The following DCDC1 variants were observed in gnomAD, a reference collection of about 807,000 sequenced individuals.
DCDC1 encodes the protein doublecortin domain-containing protein 1.
DCDC1 carries 200 observed loss-of-function variants against 178.3 expected under a neutral mutation model. The ratio of observed to expected loss-of-function variants is 1.12; its 90% CI spans 1.00 to 1.26. The LOEUF (loss-of-function observed/expected upper bound fraction) is 1.26. Among genes scored for constraint, DCDC1 ranks in the 50% most tolerant of loss-of-function variants. The probability of loss-of-function intolerance (pLI) is 0.00; values close to 1 mark genes in which losing one functional copy is unlikely to be tolerated. For missense variants in DCDC1, 1,983 were observed against 1,749.2 expected, an observed-to-expected ratio of 1.13 and a Z score of -2.38; for synonymous variants, 690 against 604.8, an observed-to-expected ratio of 1.14 and a Z score of -2.07.
chr11:30,917,251 GCATT>G (rs1278934640), intron 25 of DCDC1, among the ~76,000 whole-genome samples: 1 of 151,980 alleles, frequency 6.6e-6, no homozygotes, highest in Non-Finnish European at 1.5e-5. Context: ...ATAATAAACA[GCATT>G]CATCTTTGTC....
intron 20 of DCDC1, among the ~76,000 whole-genome samples, chr11:30,963,653 G>A (rs535253727): frequency 6.6e-5 from 10 of 152,190 alleles, no homozygotes; most frequent in African/African-American, 1.9e-4. Flanking sequence ...AGCCATAGGT[G>A]GGAGCCACAT....
intron 7 of DCDC1, among the ~76,000 whole-genome samples, chr11:31,271,923 G>T (rs1369554459): frequency 6.6e-6 from 1 of 152,138 alleles, no homozygotes; most frequent in Non-Finnish European, 1.5e-5. Context: ...AGCATTTTGG[G>T]AGGCCAAGGA....
rs1021704138 is a variant in DCDC1, at chr11:30,892,909, T to A, written c.4991A>T (p.Tyr1664Phe). 9 of 1,613,876 alleles carry A rather than the reference T, an allele frequency of 5.6e-6. No individual in the cohort carries two copies. Among genetic ancestry groups the A allele is most frequent in the Non-Finnish European group, 7.6e-6 (9 of 1,179,872 alleles). Residue 1664 changes from tyrosine (Y) to phenylalanine (F), a missense_variant, in exon 36 of 39, where the codon TAT (tyrosine) becomes TTT (phenylalanine). Coordinates refer to ENST00000684477, the MANE Select transcript of DCDC1 (RefSeq NM_001387274.1). ...CACTCGTTTTGTGTTGGGCTGCTTA[T>A]ACAGGTTGCTCGGCTTGACTGCTAT... ...KRIAVKPSNL[Y>F]KQPNTKRVWI...
chr11:30,974,973 A>G (rs1950025084), intron 20 of DCDC1, among the ~76,000 whole-genome samples: 1 of 152,144 alleles, frequency 6.6e-6, no homozygotes, highest in African/African-American at 2.4e-5. Flanking sequence ...AAAATTTTCA[A>G]CAAAATACTA....
intron 21 of DCDC1, among the ~76,000 whole-genome samples, chr11:30,933,954 A>G (rs1947099531): frequency 6.6e-6 from 1 of 152,200 alleles, no homozygotes; most frequent in South Asian, 2.1e-4. Context: ...TAGGAATGAA[A>G]GTACAACATT....
At chr11:31,092,466 T>C (rs1453307988) in intron 16 of DCDC1, among the ~76,000 whole-genome samples, 1 of 152,196 alleles carries the variant, frequency 6.6e-6, no homozygotes, top group Non-Finnish European at 1.5e-5. Flanking sequence ...GAACATCACA[T>C]ATGCTTTCTC....
At chr11:30,889,935 G>C (rs1009616090) in intron 36 of DCDC1, among the ~76,000 whole-genome samples, 1 of 152,120 alleles carries the variant, frequency 6.6e-6, no homozygotes, top group Non-Finnish European at 1.5e-5. Context: ...GGTAATTAAG[G>C]TTAAATAAAG....
At chr11:31,022,741 CGTGT>C (rs143601035) in intron 20 of DCDC1, among the ~76,000 whole-genome samples, 5 of 127,482 alleles carry the variant, frequency 3.9e-5, no homozygotes, top group African/African-American at 8.8e-5. Flanking sequence ...ATAAATTATT[CGTGT>C]GTGTGTGTGT....
intron 1 of DCDC1, among the ~76,000 whole-genome samples, chr11:31,361,109 G>A (rs747041279): frequency 4.6e-5 from 7 of 152,000 alleles, no homozygotes; most frequent in Non-Finnish European, 8.8e-5. Context: ...AACCCAAAAA[G>A]TTCATCTGTG....
At chr11:31,045,246 G>A (rs1954757555) in intron 20 of DCDC1, among the ~76,000 whole-genome samples, 1 of 152,134 alleles carries the variant, frequency 6.6e-6, no homozygotes, top group East Asian at 1.9e-4. Context: ...ACAGGAAAAA[G>A]ACTCTCAAAT....
chr11:31,307,523 C>T, intron 4 of DCDC1, 116 bp downstream of exon 4: 1 of 1,385,094 alleles, frequency 7.2e-7, no homozygotes, highest in Non-Finnish European at 9.7e-7. Flanking sequence ...AAAACAAAAC[C>T]CGAGAGATGT....
At chr11:30,967,740 T>C (rs1189725127) in intron 20 of DCDC1, among the ~76,000 whole-genome samples, 1 of 152,122 alleles carries the variant, frequency 6.6e-6, no homozygotes, top group Non-Finnish European at 1.5e-5. Flanking sequence ...AATTCAGAAA[T>C]ATTTCCCCAA....
intron 21 of DCDC1, among the ~76,000 whole-genome samples, chr11:30,947,650 G>A (rs1948133386): frequency 6.6e-6 from 1 of 152,088 alleles, no homozygotes; most frequent in Non-Finnish European, 1.5e-5. Flanking sequence ...CACAAGAATA[G>A]TCTGGGAAGA....
intron 8 of DCDC1, among the ~76,000 whole-genome samples, chr11:31,264,617 G>A (rs1406478390): frequency 6.6e-6 from 1 of 152,154 alleles, no homozygotes; most frequent in Non-Finnish European, 1.5e-5. Context: ...GTTTCTCTGA[G>A]AACTAAATAA....
intron 20 of DCDC1, among the ~76,000 whole-genome samples, chr11:31,002,022 A>C (rs1255462885): frequency 6.6e-6 from 1 of 152,226 alleles, no homozygotes; most frequent in Non-Finnish European, 1.5e-5. Context: ...ACTAATCTTT[A>C]TTTCACAGGG....
intron 20 of DCDC1, among the ~76,000 whole-genome samples, chr11:30,959,669 C>T (rs920159930): frequency 6.6e-6 from 1 of 152,126 alleles, no homozygotes; most frequent in Non-Finnish European, 1.5e-5. Flanking sequence ...CCAGTGACTG[C>T]CTAAAAGGTC....
At chr11:31,283,015 C>G (rs985645616) in intron 7 of DCDC1, among the ~76,000 whole-genome samples, 1 of 152,102 alleles carries the variant, frequency 6.6e-6, no homozygotes, top group South Asian at 2.1e-4. Flanking sequence ...TTAAGCTTTT[C>G]TATTTATCAC....
At chr11:31,074,751 A>C (rs1283899108) in intron 18 of DCDC1, among the ~76,000 whole-genome samples, 2 of 152,178 alleles carry the variant, frequency 1.3e-5, no homozygotes, top group African/African-American at 4.8e-5. Flanking sequence ...AAAAATGTGG[A>C]AGTAGCTTTG....
chr11:30,896,082 CATGAAGAGACATA>C (rs1554961685), intron 34 of DCDC1, among the ~76,000 whole-genome samples: 1 of 152,112 alleles, frequency 6.6e-6, no homozygotes, highest in Non-Finnish European at 1.5e-5. Flanking sequence ...CTATAATTTT[CATGAAGAGACATA>C]ATGTCATCAC....
Sources: gnomAD v4.1 joint callset for allele counts (sites outside exome capture counted in the v4.1 genomes callset) on GRCh38, gnomAD v4.1.1 for gene constraint, MANE v1.5 for transcripts, NCBI Gene and HGNC (gene_info 2026-07-23, HGNC 2026-07-21) for gene names.